EVI5: variants seen among roughly 807,000 people sequenced by gnomAD.
The protein encoded by EVI5 is ecotropic viral integration site 5 protein homolog.
A neutral mutation model predicts 112.0 loss-of-function variants in EVI5; 73 were observed. The observed-to-expected ratio is 0.65, with a 90% confidence interval of 0.54 to 0.79. EVI5 has a LOEUF of 0.79. EVI5 is among the 30% of genes least tolerant of loss of function. EVI5 has a pLI of 0.00. For synonymous variants in EVI5, 305 were observed against 319.9 expected (o/e 0.95, Z 0.50); for missense variants, 900 against 968.8 (o/e 0.93, Z 0.94).
rs1685442055 is a variant in EVI5, at chr1:92,785,019, G to A, written c.-265C>T. ...CTCGCGACCCTCACCTACCCCTCCC[G>A]GCACCGCCGCTGTCGGAACTGCAGC... On this transcript the variant is annotated 5_prime_UTR_variant, in exon 1 of 20. Coordinates refer to ENST00000684568, the MANE Select transcript of EVI5 (RefSeq NM_001350197.2). 3.0e-6 allele frequency: 3 copies of A among 985,370 alleles called. No individual in the cohort carries two copies. Among genetic ancestry groups the A allele is most frequent in the Non-Finnish European group, 2.4e-6 (2 of 830,060 alleles). 61.0% of individuals were successfully genotyped at this position (985,370 alleles called of 1,614,324 possible). A position where few individuals can be genotyped will look rare whatever the true frequency, so the allele number is the denominator to read the frequency against.
intron 9 of EVI5, among the ~76,000 whole-genome samples, chr1:92,689,718 T>C (rs1669160915): frequency 6.6e-6 from 1 of 152,118 alleles, no homozygotes; most frequent in Non-Finnish European, 1.5e-5. Context: ...TAGTGTCACT[T>C]TGGCAAAATT....
chr1:92,606,138 C>G (rs967938203), intron 17 of EVI5, among the ~76,000 whole-genome samples: 1 of 152,110 alleles, frequency 6.6e-6, no homozygotes, highest in Admixed American at 6.6e-5. Flanking sequence ...TATTAATGAA[C>G]AATTAAAAAT....
chr1:92,683,844 T>C (rs1221989636), intron 9 of EVI5, among the ~76,000 whole-genome samples: 3 of 150,828 alleles, frequency 2.0e-5, no homozygotes, highest in Non-Finnish European at 3.0e-5. Flanking sequence ...AAAGACAAGA[T>C]GAGAGAAAAA....
At chr1:92,736,776 C>G in intron 1 of EVI5, 149 bp from the exon 2 acceptor site, 1 of 628,112 alleles carries the variant, frequency 1.6e-6, no homozygotes, top group Non-Finnish European at 2.8e-6. Flanking sequence ...GCAACAATAC[C>G]CTAATATCCA....
intron 1 of EVI5, among the ~76,000 whole-genome samples, chr1:92,759,465 AAGTATGTTTAT>A (rs1485117721): frequency 6.6e-6 from 1 of 152,222 alleles, no homozygotes; most frequent in African/African-American, 2.4e-5. Context: ...CTTTTTTTAA[AAGTATGTTTAT>A]AGTAAAACAT....
rs1245948307 is a variant in EVI5 at position 92,703,542 on chromosome 1, T to C, written c.417A>G (p.Pro139=). The C allele has an allele frequency of 6.2e-7, 1 of 1,601,662 alleles. No homozygotes were observed. The highest frequency in any genetic ancestry group is 1.4e-5 in the African/African-American group (1 of 74,050). The change falls in exon 4 of 20, where the codon CCA becomes CCG. Residue 139 remains proline (P), a synonymous_variant. Coordinates refer to ENST00000684568, the MANE Select transcript of EVI5 (RefSeq NM_001350197.2). The part of the protein sequence containing the change: ...WQLLCSAQSM[P]IKDQYSELLK... The stretch of plus-strand genomic sequence containing the variant: ...GGAGTTCTGAATACTGATCCTTAAT[T>C]GGCATACTTTGTGCACTGCATAAAA...
At chr1:92,571,491 T>C (rs1389007264) in intron 18 of EVI5, among the ~76,000 whole-genome samples, 1 of 152,168 alleles carries the variant, frequency 6.6e-6, no homozygotes, top group Non-Finnish European at 1.5e-5. Context: ...TAACCATTTA[T>C]CAAAAGTCTG....
intron 19 of EVI5, among the ~76,000 whole-genome samples, chr1:92,523,447 A>T (rs932464616): frequency 8.5e-5 from 13 of 152,072 alleles, no homozygotes; most frequent in South Asian, 4.1e-4. Flanking sequence ...TATATTTTTT[A>T]AAAAATATAT....
At chr1:92,556,543 T>C (rs1257446852) in intron 19 of EVI5, among the ~76,000 whole-genome samples, 1 of 152,236 alleles carries the variant, frequency 6.6e-6, no homozygotes, top group Non-Finnish European at 1.5e-5. Flanking sequence ...GGACATGTTA[T>C]ATGTCTTTCA....
chr1:92,722,433 T>C (rs575955565), intron 2 of EVI5, among the ~76,000 whole-genome samples: 2 of 152,008 alleles, frequency 1.3e-5, no homozygotes, highest in South Asian at 4.2e-4. Context: ...TCATTTAGCA[T>C]TAGGTATATC....
chr1:92,712,266 G>A (rs1672960068), intron 2 of EVI5, among the ~76,000 whole-genome samples: 1 of 152,108 alleles, frequency 6.6e-6, no homozygotes, highest in South Asian at 2.1e-4. Flanking sequence ...AAGGAATTAG[G>A]ACAGGAAACA....
intron 18 of EVI5, among the ~76,000 whole-genome samples, chr1:92,574,576 G>A (rs1427838561): frequency 2.6e-5 from 4 of 152,180 alleles, no homozygotes; most frequent in Admixed American, 2.6e-4. Context: ...GGGTTTAGTA[G>A]TGTATAATAT....
intron 1 of EVI5, among the ~76,000 whole-genome samples, chr1:92,763,003 C>T (rs1461981832): frequency 6.6e-6 from 1 of 152,194 alleles, no homozygotes; most frequent in Non-Finnish European, 1.5e-5. Flanking sequence ...TGGTGGCTCA[C>T]ACCTGTAATC....
At chr1:92,714,134 C>T (rs1649921954) in intron 2 of EVI5, 2 of 982,718 alleles carry the variant, frequency 2.0e-6, no homozygotes, top group Admixed American at 6.2e-5. Context: ...TCAAATAGAT[C>T]TTTGACATTA....
At chr1:92,646,513 A>G (rs1164968270) in intron 13 of EVI5, among the ~76,000 whole-genome samples, 1 of 152,248 alleles carries the variant, frequency 6.6e-6, no homozygotes, top group Non-Finnish European at 1.5e-5. Flanking sequence ...CAGGGGAAAC[A>G]GGACTAGCCT....
At chr1:92,603,279 G>C (rs942726868) in intron 18 of EVI5, among the ~76,000 whole-genome samples, 5 of 152,154 alleles carry the variant, frequency 3.3e-5, no homozygotes, top group African/African-American at 9.7e-5. Flanking sequence ...AGGTTCTGTG[G>C]AAAATGGTAT....
At chr1:92,581,016 TAATC>T (rs1404711092) in intron 18 of EVI5, among the ~76,000 whole-genome samples, 3 of 152,214 alleles carry the variant, frequency 2.0e-5, no homozygotes, top group African/African-American at 7.2e-5. Flanking sequence ...TGCTAAATAA[TAATC>T]AATAATAATT....
At chr1:92,567,103 C>T (rs567715464) in intron 18 of EVI5, among the ~76,000 whole-genome samples, 33 of 152,002 alleles carry the variant, frequency 2.2e-4, no homozygotes, top group Admixed American at 7.2e-4. Context: ...TGAGCCACCA[C>T]GCTCGGCCAT....
chr1:92,535,004 A>C (rs1663603824), intron 19 of EVI5, among the ~76,000 whole-genome samples: 1 of 152,210 alleles, frequency 6.6e-6, no homozygotes, highest in Non-Finnish European at 1.5e-5. Flanking sequence ...GAATGGGAGA[A>C]AATTTTTGCA....
Sources: allele counts gnomAD v4.1 joint callset (sites outside exome capture counted in the v4.1 genomes callset), GRCh38; gene constraint gnomAD v4.1.1; transcripts MANE v1.5; gene names NCBI Gene and HGNC (gene_info 2026-07-23, HGNC 2026-07-21).